Variants in RAB3GAP1 observed in about 807,000 individuals in gnomAD.
The protein encoded by RAB3GAP1 is RAB3 GTPase activating protein catalytic subunit 1.
Under a neutral mutation model 130.7 loss-of-function variants are expected in RAB3GAP1, and 86 were observed. The observed-to-expected ratio is 0.66, with a 90% CI of 0.55 to 0.79. The LOEUF is 0.79. Among genes scored for constraint, RAB3GAP1 ranks in the 30% least tolerant of loss-of-function variants. The pLI, the probability that RAB3GAP1 is intolerant of heterozygous loss-of-function variation, is 0.00. For synonymous variants in RAB3GAP1, 367 were observed against 401.7 expected, an observed-to-expected ratio of 0.91 and a Z score of 1.03; for missense variants, 1,029 against 1,169.4, an observed-to-expected ratio of 0.88 and a Z score of 1.75.
At chr2:135,156,804 G>A (rs567029661) in intron 19 of RAB3GAP1, among the ~76,000 whole-genome samples, 1 of 152,154 alleles carries the variant, frequency 6.6e-6, no homozygotes, top group Non-Finnish European at 1.5e-5. Flanking sequence ...GAAAGCAGAG[G>A]CATGGGAGTT....
chr2:135,067,561 G>C (rs1203425497), intron 3 of RAB3GAP1, among the ~76,000 whole-genome samples: 1 of 152,196 alleles, frequency 6.6e-6, no homozygotes, highest in African/African-American at 2.4e-5. Flanking sequence ...AAAAATGGCA[G>C]GAGATATCTT....
At chr2:135,063,563 A>G (rs1020020398) in intron 3 of RAB3GAP1, among the ~76,000 whole-genome samples, 1 of 152,128 alleles carries the variant, frequency 6.6e-6, no homozygotes, top group African/African-American at 2.4e-5. Context: ...ATGGAATCAT[A>G]CAGTATTTGT....
chr2:135,163,173 A>G, intron 22 of RAB3GAP1, 72 bp downstream of exon 22: 1 of 983,926 alleles, frequency 1.0e-6, no homozygotes, highest in Non-Finnish European at 1.6e-6. Flanking sequence ...AAAAATTGTA[A>G]TAGGATATTA....
intron 17 of RAB3GAP1, among the ~76,000 whole-genome samples, chr2:135,141,830 A>G (rs917750625): frequency 3.3e-5 from 5 of 152,142 alleles, no homozygotes; most frequent in African/African-American, 7.2e-5. Flanking sequence ...ATTGAGTGGC[A>G]GTGATATCTT....
Position 135,058,060 on chromosome 2 carries a change from A to G in RAB3GAP1, c.124A>G (p.Asn42Asp), listed in dbSNP as rs372830337. ...CTTGAATGACTGGAAACTGATTGGAAACTCTTTGGGAAAGCCACTCGAAAA... is the reference window on the plus strand; with the variant it reads ...CTTGAATGACTGGAAACTGATTGGAGACTCTTTGGGAAAGCCACTCGAAAA... The part of the protein sequence containing the change: ...EVLNDWKLIG[N>D]SLGKPLEKGI... The change falls in exon 3 of 24, where the codon AAC (asparagine) becomes GAC (aspartate). Residue 42 changes from asparagine to aspartate, a missense_variant. Around this residue, in one of 3 missense-constraint regions of RAB3GAP1, gnomAD observed 510 missense variants for 532.1 expected, o/e 0.96. Transcript: ENST00000264158. The G allele has an allele frequency of 9.3e-6, 15 of 1,612,830 alleles. No individual in the cohort carries two copies. Among genetic ancestry groups the G allele is most frequent in the Non-Finnish European group, 1.3e-5 (15 of 1,179,132 alleles).
At chr2:135,089,598 G>A (rs2104873233) in intron 3 of RAB3GAP1, 1 of 154,878 alleles carries the variant, frequency 6.5e-6, no homozygotes, top group African/African-American at 2.4e-5. Flanking sequence ...TATACCCAAA[G>A]GATTATAAAT....
intron 3 of RAB3GAP1, among the ~76,000 whole-genome samples, chr2:135,090,754 A>T (rs1690119816): frequency 6.6e-6 from 1 of 151,954 alleles, no homozygotes; most frequent in Non-Finnish European, 1.5e-5. Flanking sequence ...CTTGGAAAAA[A>T]TTATTATTAA....
chr2:135,130,201 G>A, intron 12 of RAB3GAP1, 114 bp downstream of exon 12: 1 of 887,970 alleles, frequency 1.1e-6, no homozygotes, highest in Non-Finnish European at 1.8e-6. Context: ...GGATAATCAA[G>A]TTTTGATGGA....
intron 3 of RAB3GAP1, among the ~76,000 whole-genome samples, chr2:135,077,224 C>T (rs571188698): frequency 2.8e-4 from 43 of 151,962 alleles, no homozygotes; most frequent in Non-Finnish European, 5.3e-4. Flanking sequence ...GAGATGAGAT[C>T]GAGCCACTCC....
chr2:135,132,966 A>G lies in RAB3GAP1; in HGVS notation c.1308A>G (p.Pro436=). The part of the protein sequence containing the change: ...GTTSTDNNNP[P]SESEDYNLYN... ...CTTCAACAGATAATAATAATCCTCC[A>G]TCAGAGAGTGAAGACTATGTAAGTT... Residue 436 remains proline (P), a synonymous_variant, in exon 14 of 24, where the codon CCA becomes CCG. Coordinates refer to ENST00000264158, the MANE Select transcript of RAB3GAP1 (RefSeq NM_012233.3). 6.4e-7 allele frequency: 1 copy of G among 1,563,440 alleles called. No individual in the cohort carries two copies. The highest frequency in any genetic ancestry group is 2.2e-5 in the East Asian group (1 of 44,472).
chr2:135,144,702 A>C (rs181682439), intron 17 of RAB3GAP1, among the ~76,000 whole-genome samples: 1 of 152,262 alleles, frequency 6.6e-6, no homozygotes, highest in Admixed American at 6.5e-5. Flanking sequence ...TTATGGGAGA[A>C]TCTTTTGACA....
At chr2:135,067,874 G>A (rs187220775) in intron 3 of RAB3GAP1, among the ~76,000 whole-genome samples, 179 of 152,224 alleles carry the variant, frequency 1.2e-3, no homozygotes, top group Middle Eastern at 6.8e-3. Context: ...GGGACTACAG[G>A]TACATGCCAC....
intron 17 of RAB3GAP1, among the ~76,000 whole-genome samples, chr2:135,146,432 G>A (rs1042836579): frequency 2.0e-5 from 3 of 151,984 alleles, no homozygotes; most frequent in African/African-American, 7.3e-5. Context: ...GGCTGGTCTT[G>A]AACTCCTGAC....
At chr2:135,074,146 G>A (rs1250716652) in intron 3 of RAB3GAP1, among the ~76,000 whole-genome samples, 1 of 152,216 alleles carries the variant, frequency 6.6e-6, no homozygotes, top group Non-Finnish European at 1.5e-5. Context: ...CACTGTCTGG[G>A]TGCTGTTTGG....
At chr2:135,123,773 C>A (rs1004882350) in intron 8 of RAB3GAP1, among the ~76,000 whole-genome samples, 3 of 151,992 alleles carry the variant, frequency 2.0e-5, no homozygotes, top group Admixed American at 2.0e-4. Context: ...TTACTGATAG[C>A]AAAACTGATT....
chr2:135,060,256 ATTTT>A (rs60562266), intron 3 of RAB3GAP1, among the ~76,000 whole-genome samples: 3 of 109,888 alleles, frequency 2.7e-5, no homozygotes, highest in African/African-American at 3.8e-5. Flanking sequence ...TAACTGCTTG[ATTTT>A]TTTTTTTTTT....
At chr2:135,102,932 C>T (rs950435843) in intron 5 of RAB3GAP1, among the ~76,000 whole-genome samples, 1 of 146,362 alleles carries the variant, frequency 6.8e-6, no homozygotes. Flanking sequence ...GGAGAATTGC[C>T]TGAACCCGGT....
In RAB3GAP1 at chr2:135,151,373, T is replaced by G. The variant is rs1486671128; in HGVS notation, c.2061+867T>G. Among the ~76,000 whole-genome samples, 5 of 152,196 alleles carry G rather than the reference T, an allele frequency of 3.3e-5. No individual in the cohort carries two copies. The East Asian group carries it at 9.6e-4, about 29-fold the overall frequency. ...TACTCAGTCCTGCTTCTGTACTGTT[T>G]AGGCCAGTGTGAGTTTGATTTTTCT... On this transcript the variant is annotated intron_variant, in intron 18 of 23. Transcript: ENST00000264158.
chr2:135,080,077 A>G (rs1183345015), intron 3 of RAB3GAP1, among the ~76,000 whole-genome samples: 1 of 147,970 alleles, frequency 6.8e-6, no homozygotes, highest in East Asian at 2.0e-4. Flanking sequence ...AGATCGCACC[A>G]CAGCACTCCC....
Sources: gnomAD v4.1 joint callset for allele counts (sites outside exome capture counted in the v4.1 genomes callset) on GRCh38, gnomAD v4.1.1 for gene constraint, gnomAD v4.1.1 regional missense constraint, MANE v1.5 for transcripts, NCBI Gene and HGNC (gene_info 2026-07-23, HGNC 2026-07-21) for gene names.